The following ST8SIA6 variants were observed in gnomAD, a reference collection of about 807,000 sequenced individuals.
The protein encoded by ST8SIA6 is ST8 alpha-N-acetyl-neuraminide alpha-2,8-sialyltransferase 6, also known as alpha-2,8-sialyltransferase 8F.
In ST8SIA6, 39 loss-of-function variants were observed where a neutral mutation model predicts 33.6. The ratio of observed to expected loss-of-function variants is 1.16; its 90% CI spans 0.90 to 1.52. The LOEUF is 1.52. ST8SIA6 is among the 40% of genes most tolerant of loss of function. The probability of loss-of-function intolerance (pLI) is 0.00; values close to 1 mark genes in which losing one functional copy is unlikely to be tolerated. For missense variants in ST8SIA6, 441 were observed against 443.8 expected, an observed-to-expected ratio of 0.99 and a Z score of 0.06; for synonymous variants, 172 against 167.2, an observed-to-expected ratio of 1.03 and a Z score of -0.22.
At chr10:17,434,402 A>C (rs1213235945) in intron 2 of ST8SIA6, among the ~76,000 whole-genome samples, 1 of 152,188 alleles carries the variant, frequency 6.6e-6, no homozygotes, top group Non-Finnish European at 1.5e-5. Context: ...CCCAGGCTCT[A>C]AGATAAGAGC....
chr10:17,362,029 C>G (rs7909526), intron 3 of ST8SIA6, among the ~76,000 whole-genome samples: 23,905 of 152,084 alleles, frequency 0.16, 2,119 homozygotes, highest in South Asian at 0.2. Flanking sequence ...TGCAAAAACA[C>G]CTATGGCTAG....
At chr10:17,321,526 A>G (rs1847949488) in intron 7 of ST8SIA6, among the ~76,000 whole-genome samples, 180 bp from the exon 8 acceptor site, 2 of 152,298 alleles carry the variant, frequency 1.3e-5, no homozygotes, top group Admixed American at 6.5e-5. Flanking sequence ...GTCAATATCA[A>G]CAGCTAGATC....
chr10:17,386,629 G>C (rs953617531), intron 3 of ST8SIA6, among the ~76,000 whole-genome samples: 3 of 152,172 alleles, frequency 2.0e-5, no homozygotes, highest in Non-Finnish European at 4.4e-5. Context: ...GTATTGGTTC[G>C]AACCCTGAGA....
chr10:17,414,335 T>A (rs1851540806), intron 2 of ST8SIA6, among the ~76,000 whole-genome samples: 1 of 152,202 alleles, frequency 6.6e-6, no homozygotes. Flanking sequence ...TTGTTATTTA[T>A]TCTCCCGTCT....
At chr10:17,343,770 C>G (rs1259083411) in intron 4 of ST8SIA6, among the ~76,000 whole-genome samples, 1 of 152,040 alleles carries the variant, frequency 6.6e-6, no homozygotes, top group Non-Finnish European at 1.5e-5. Context: ...ACAGATAGAA[C>G]GTTCTACAGA....
chr10:17,395,149 G>T (rs979098680), intron 2 of ST8SIA6, among the ~76,000 whole-genome samples: 1 of 152,070 alleles, frequency 6.6e-6, no homozygotes, highest in African/African-American at 2.4e-5. Flanking sequence ...AACCCCATTT[G>T]CTTGATTCTC....
At chr10:17,371,175 C>T (rs756717086) in intron 3 of ST8SIA6, among the ~76,000 whole-genome samples, 5 of 152,122 alleles carry the variant, frequency 3.3e-5, no homozygotes, top group Admixed American at 6.6e-5. Flanking sequence ...AGGATAGACA[C>T]GTCATTAACT....
chr10:17,431,965 T>C (rs1008609712), intron 2 of ST8SIA6, among the ~76,000 whole-genome samples: 2 of 151,630 alleles, frequency 1.3e-5, no homozygotes, highest in African/African-American at 4.8e-5. Context: ...AAGCGGAAAG[T>C]AGGGATAGGA....
chr10:17,414,049 G>A (rs1174486819), intron 2 of ST8SIA6, among the ~76,000 whole-genome samples: 2 of 151,924 alleles, frequency 1.3e-5, no homozygotes, highest in African/African-American at 2.4e-5. Flanking sequence ...CTTCATACAC[G>A]CCTCCTATCT....
chr10:17,399,965 A>G (rs1850976843), intron 2 of ST8SIA6, among the ~76,000 whole-genome samples: 1 of 151,954 alleles, frequency 6.6e-6, no homozygotes, highest in Non-Finnish European at 1.5e-5. Context: ...CACATATAAA[A>G]TGAACATGTG....
intron 2 of ST8SIA6, among the ~76,000 whole-genome samples, chr10:17,448,094 C>A (rs1393062797): frequency 6.6e-6 from 1 of 152,188 alleles, no homozygotes; most frequent in East Asian, 1.9e-4. Flanking sequence ...AGCCACTGTG[C>A]CTGGCCTAGT....
intron 7 of ST8SIA6, among the ~76,000 whole-genome samples, chr10:17,321,752 C>T (rs138301617): frequency 4.6e-5 from 7 of 152,154 alleles, no homozygotes; most frequent in African/African-American, 1.4e-4. Flanking sequence ...CATTGAGCTG[C>T]GCACTTATGA....
rs192361943 is a variant in ST8SIA6, at chr10:17,331,305, G to A, written c.522+103C>T. ...CAAATTTTATACAACATAACAATAT[G>A]GTATTTTAATTGAGTCCATCATAAT... On this transcript the variant is annotated intron_variant, in intron 5 of 7. Coordinates refer to ENST00000377602, the MANE Select transcript of ST8SIA6 (RefSeq NM_001004470.3). The A allele has an allele frequency of 5.8e-6, 8 of 1,373,712 alleles. No individual in the cohort carries two copies. In the Admixed American group the frequency reaches 9.6e-5, roughly 16 times the overall value. 85.1% of individuals were successfully genotyped at this position (1,373,712 alleles called of 1,614,324 possible). A position where few individuals can be genotyped will look rare whatever the true frequency, so the allele number is the denominator to read the frequency against.
intron 2 of ST8SIA6, among the ~76,000 whole-genome samples, chr10:17,413,733 ATAT>A (rs199751328): frequency 0.044 from 6,712 of 152,306 alleles, 203 homozygotes; most frequent in Non-Finnish European, 0.061. Context: ...TATCATTTAC[ATAT>A]TATGATTTTG....
chr10:17,344,888 C>T (rs937831022), intron 4 of ST8SIA6, among the ~76,000 whole-genome samples: 2 of 152,056 alleles, frequency 1.3e-5, no homozygotes, highest in African/African-American at 4.8e-5. Context: ...CTGGGTGAAC[C>T]AAGACAAACT....
At chr10:17,415,090 C>A (rs1427307598) in intron 2 of ST8SIA6, among the ~76,000 whole-genome samples, 1 of 152,104 alleles carries the variant, frequency 6.6e-6, no homozygotes, top group Non-Finnish European at 1.5e-5. Context: ...CTCTCCATCT[C>A]CCAACTCATT....
At chr10:17,345,009 A>G (rs1848786229) in intron 4 of ST8SIA6, among the ~76,000 whole-genome samples, 1 of 149,522 alleles carries the variant, frequency 6.7e-6, no homozygotes, top group African/African-American at 2.5e-5. Flanking sequence ...GACAGAGAAC[A>G]TCCCATCCCA....
At chr10:17,428,610 G>C (rs914806411) in intron 2 of ST8SIA6, among the ~76,000 whole-genome samples, 5 of 151,944 alleles carry the variant, frequency 3.3e-5, no homozygotes, top group Non-Finnish European at 7.4e-5. Context: ...GTGTCTCCAG[G>C]GAGGAGCTAA....
chr10:17,327,071 C>T lies in ST8SIA6; in HGVS notation c.578G>A (p.Gly193Glu). ...YNQCAVVGNGGILNKSLCGTE... is the reference protein window; with the variant it reads ...YNQCAVVGNGEILNKSLCGTE... ...TCCACAGAGAGACTTATTCAGAATTCCCCCATTTCCGACCACTGCACACTG... is the reference window on the plus strand; with the variant it reads ...TCCACAGAGAGACTTATTCAGAATTTCCCCATTTCCGACCACTGCACACTG... The change falls in exon 6 of 8, where the codon GGA (glycine) becomes GAA (glutamate). Residue 193 changes from glycine to glutamate, a missense_variant. Gly to Glu is a moderately conservative substitution (Grantham distance 98). Transcript: ENST00000377602. The T allele has an allele frequency of 1.2e-6, 2 of 1,610,016 alleles. No homozygotes were observed. The highest frequency in any genetic ancestry group is 1.7e-5 in the Admixed American group (1 of 59,372).
Sources: gnomAD v4.1 joint callset for allele counts (sites outside exome capture counted in the v4.1 genomes callset) on GRCh38, gnomAD v4.1.1 for gene constraint, MANE v1.5 for transcripts, NCBI Gene and HGNC (gene_info 2026-07-23, HGNC 2026-07-21) for gene names.